The following SHPRH variants were observed in gnomAD, a reference collection of about 807,000 sequenced individuals.
The protein encoded by SHPRH is SNF2 histone linker PHD RING helicase.
SHPRH carries 106 observed loss-of-function variants against 202.5 expected under a neutral mutation model. That is an observed-to-expected ratio of 0.52 (90% confidence interval 0.45 to 0.62). SHPRH has a LOEUF of 0.62. Ranked by LOEUF, SHPRH falls within the 20% of genes least tolerant of loss-of-function variation. The pLI is 0.00. For missense variants in SHPRH, 1,710 were observed against 2,020.0 expected, an observed-to-expected ratio of 0.85 and a Z score of 2.94; for synonymous variants, 729 against 686.0, an observed-to-expected ratio of 1.06 and a Z score of -0.98.
intron 2 of SHPRH, among the ~76,000 whole-genome samples, chr6:145,875,103 T>C (rs1171208665): frequency 1.3e-5 from 2 of 152,128 alleles, no homozygotes; most frequent in Non-Finnish European, 2.9e-5. Context: ...ATAATGCAAA[T>C]ATTAAAAAAT....
At chr6:145,867,631 T>TATAGAGAGAGAGAGAGAGAG (rs1554220329) in intron 2 of SHPRH, among the ~76,000 whole-genome samples, 3 of 22,318 alleles carry the variant, frequency 1.3e-4, no homozygotes, top group Non-Finnish European at 1.5e-4. Flanking sequence ...TATATATATA[T>TATAGAGAGAGAGAGAGAGAG]AGAGAGAGAG....
chr6:145,866,007 T>G (rs1562267513), intron 2 of SHPRH, among the ~76,000 whole-genome samples: 1 of 152,258 alleles, frequency 6.6e-6, no homozygotes, highest in Non-Finnish European at 1.5e-5. Context: ...GCATCCTTCC[T>G]CTGGTGATCT....
intron 22 of SHPRH, 27 bp downstream of exon 22, chr6:145,919,321 C>G (rs1562319541): frequency 6.2e-7 from 1 of 1,611,338 alleles, no homozygotes; most frequent in South Asian, 1.1e-5. Context: ...TTGCTGTTCC[C>G]TTTTCTGTGA....
Position 145,886,671 on chromosome 6 carries a change from T to C in SHPRH, c.*20A>G, listed in dbSNP as rs373686076. 6.2e-7 allele frequency: 1 copy of C among 1,607,824 alleles called. No homozygotes were observed. Among genetic ancestry groups the C allele is most frequent in the South Asian group, 1.1e-5 (1 of 89,582 alleles). On this transcript the variant is annotated 3_prime_UTR_variant, in exon 30 of 30. Transcript: ENST00000275233. ...AAGTTTATTAATACACTAAAGTCCA[T>C]GGAATGAATCAAGTGTAGTTCATTC...
At chr6:145,911,833 T>C (rs969490499) in intron 24 of SHPRH, among the ~76,000 whole-genome samples, 1 of 152,094 alleles carries the variant, frequency 6.6e-6, no homozygotes, top group East Asian at 1.9e-4. Context: ...ACCACTATTT[T>C]GCCTATTAAC....
chr6:145,879,910 C>CAAAAAAA (rs67055862), downstream of SHPRH, among the ~76,000 whole-genome samples: 5 of 61,100 alleles, frequency 8.2e-5, no homozygotes, highest in Non-Finnish European at 1.5e-4. Context: ...AACTCAATCT[C>CAAAAAAA]AAAAAAAAAA....
chr6:145,871,305 C>T (rs1269960393), intron 2 of SHPRH: 1 of 152,054 alleles, frequency 6.6e-6, no homozygotes, highest in African/African-American at 2.4e-5. Context: ...ATCTAGAAAA[C>T]CCATTGTCTC....
rs201687516 is a variant in SHPRH, at chr6:145,918,400, GA to G, written c.4153-169del. On this transcript the variant is annotated intron_variant, in intron 22 of 29. Transcript: ENST00000275233. ...GGATACTAGATAATATATTTCAAAT[GA>G]TTTTTTTTTTTTTTTGCTTTATGAA... 2.0e-3 allele frequency: 744 copies of G among 365,742 alleles called. 6 individuals carry two copies. The East Asian group carries it at 0.021, about 11-fold the overall frequency. The allele number at this position is 365,742 out of a possible 1,614,324, so 22.7% of individuals were successfully genotyped here. A position where few individuals can be genotyped will look rare whatever the true frequency, so the allele number is the denominator to read the frequency against.
chr6:145,920,061 T>C (rs6570730), intron 21 of SHPRH, among the ~76,000 whole-genome samples: 12,200 of 152,156 alleles, frequency 0.08, 1,626 homozygotes, highest in African/African-American at 0.27. Context: ...TTCTTAATAA[T>C]TCAGTTATAT....
chr6:145,867,619 TATATATATATATAG>T (rs1484155470), intron 2 of SHPRH, among the ~76,000 whole-genome samples: 4 of 70,310 alleles, frequency 5.7e-5, no homozygotes, highest in African/African-American at 2.8e-4. Context: ...TATATATATA[TATATATATATATAG>T]AGAGAGAGAG....
At chr6:145,935,202 T>A (rs1391917132) in intron 12 of SHPRH, 39 bp from the exon 13 acceptor site, 3 of 1,597,102 alleles carry the variant, frequency 1.9e-6, no homozygotes, top group Non-Finnish European at 2.6e-6. Flanking sequence ...AGATATCATC[T>A]AAAAATTTAT....
chr6:145,889,920 T>C (rs1002825835), intron 28 of SHPRH, among the ~76,000 whole-genome samples: 2 of 152,154 alleles, frequency 1.3e-5, no homozygotes, highest in African/African-American at 4.8e-5. Flanking sequence ...CTGGATGACA[T>C]ATCCATGCTT....
intron 6 of SHPRH, 121 bp downstream of exon 6, chr6:145,947,372 A>C (rs990128980): frequency 1.8e-6 from 2 of 1,137,576 alleles, no homozygotes; most frequent in Non-Finnish European, 2.4e-6. Context: ...CCACTAATAT[A>C]AATCATTACC....
chr6:145,931,612 A>C (rs1785453001), intron 14 of SHPRH, among the ~76,000 whole-genome samples: 1 of 152,126 alleles, frequency 6.6e-6, no homozygotes, highest in Non-Finnish European at 1.5e-5. Context: ...CTGGGATTAC[A>C]GGCACAAGCC....
intron 26 of SHPRH, among the ~76,000 whole-genome samples, chr6:145,894,674 A>C (rs75649669): frequency 0.04 from 6,066 of 152,148 alleles, 403 homozygotes; most frequent in African/African-American, 0.13. Context: ...AAACTAATAA[A>C]AAGTCATGAA....
intron 17 of SHPRH, 92 bp downstream of exon 17, chr6:145,924,647 T>C (rs1030571469): frequency 6.4e-5 from 64 of 1,005,728 alleles, no homozygotes; most frequent in South Asian, 1.5e-4. Context: ...TCAAAATGTA[T>C]AAGAAATTCA....
At chr6:145,953,852 G>A (rs1039582070) in intron 2 of SHPRH, among the ~76,000 whole-genome samples, 2 of 151,974 alleles carry the variant, frequency 1.3e-5, no homozygotes, top group Non-Finnish European at 2.9e-5. Context: ...GTGAATGACA[G>A]AGACTGAAAT....
intron 14 of SHPRH, among the ~76,000 whole-genome samples, chr6:145,931,680 C>T (rs1582739630): frequency 6.6e-6 from 1 of 151,952 alleles, no homozygotes; most frequent in East Asian, 1.9e-4. Context: ...GGATTATTAC[C>T]TCTAACTCCT....
chr6:145,867,583 G>A (rs941245909), intron 2 of SHPRH, among the ~76,000 whole-genome samples: 11 of 96,932 alleles, frequency 1.1e-4, no homozygotes, highest in South Asian at 7.6e-4. Context: ...AGAGTCACAC[G>A]CTGTCTTCAA....
Sources: allele counts gnomAD v4.1 joint callset (sites outside exome capture counted in the v4.1 genomes callset), GRCh38; gene constraint gnomAD v4.1.1; transcripts MANE v1.5; gene names NCBI Gene and HGNC (gene_info 2026-07-23, HGNC 2026-07-21).